CATSPERT: variants seen among roughly 807,000 people sequenced by gnomAD.
CATSPERT encodes cation channel sperm-associated targeting subunit tau.
the CATSPERT span, among the ~76,000 whole-genome samples, chr2:201,582,916 C>T: frequency 6.6e-6 from 1 of 152,100 alleles, no homozygotes; most frequent in Non-Finnish European, 1.5e-5. Flanking sequence ...TGACTGTCTT[C>T]CCCCAAGAAA....
the CATSPERT span, among the ~76,000 whole-genome samples, chr2:201,617,441 T>C: frequency 1.3e-5 from 2 of 152,096 alleles, no homozygotes; most frequent in South Asian, 4.2e-4. Flanking sequence ...AAACCTGACA[T>C]AAACAAGAAA....
the CATSPERT span, among the ~76,000 whole-genome samples, chr2:201,542,683 T>C: frequency 1.3e-5 from 2 of 152,206 alleles, no homozygotes; most frequent in African/African-American, 2.4e-5. Context: ...ATTCAAGTGC[T>C]CAGTCCATTT....
the CATSPERT span, chr2:201,549,693 C>T: frequency 1.3e-5 from 2 of 152,122 alleles, no homozygotes; most frequent in East Asian, 3.8e-4. Context: ...AGAAGAACTA[C>T]ACTTACAAAA....
chr2:201,493,020 T>C, the CATSPERT span: 1 of 1,536,676 alleles, frequency 6.5e-7, no homozygotes, highest in Non-Finnish European at 8.7e-7. Flanking sequence ...CAAGGTGTTC[T>C]GTGTCACTTG....
At chr2:201,599,276 C>G in the CATSPERT span, among the ~76,000 whole-genome samples, 1 of 152,146 alleles carries the variant, frequency 6.6e-6, no homozygotes, top group Non-Finnish European at 1.5e-5. Flanking sequence ...TTCCATTCCT[C>G]AGAAGCTGCC....
chr2:201,615,208 A>C, the CATSPERT span, among the ~76,000 whole-genome samples: 1 of 152,226 alleles, frequency 6.6e-6, no homozygotes, highest in Non-Finnish European at 1.5e-5. Context: ...AAGCAGACCT[A>C]ATAGACATCT....
chr2:201,545,629 C>CAAAAAAA, the CATSPERT span: 450 of 156,374 alleles, frequency 2.9e-3, 3 homozygotes, highest in Admixed American at 3.8e-3. Flanking sequence ...TTCCTAGAAG[C>CAAAAAAA]AAAAAAAAAA....
the CATSPERT span, among the ~76,000 whole-genome samples, chr2:201,610,994 T>C: frequency 3.3e-5 from 5 of 152,090 alleles, no homozygotes; most frequent in Non-Finnish European, 7.4e-5. Context: ...AGCCCATATA[T>C]AACAAATGCC....
At chr2:201,536,309 A>G in the CATSPERT span, 2 of 1,592,942 alleles carry the variant, frequency 1.3e-6, no homozygotes, top group African/African-American at 2.7e-5. Flanking sequence ...TCTCAGAATC[A>G]TTATCCAGTA....
chr2:201,489,047 C>T, the CATSPERT span, among the ~76,000 whole-genome samples: 3 of 152,142 alleles, frequency 2.0e-5, no homozygotes, highest in African/African-American at 4.8e-5. Flanking sequence ...GGTGCTCCTA[C>T]GACTCAATTT....
At chr2:201,530,316 G>A in the CATSPERT span, among the ~76,000 whole-genome samples, 1 of 152,054 alleles carries the variant, frequency 6.6e-6, no homozygotes, top group East Asian at 1.9e-4. Context: ...GTTTACTGTT[G>A]TGCTATTGTA....
the CATSPERT span, among the ~76,000 whole-genome samples, chr2:201,584,921 A>T: frequency 2.0e-5 from 3 of 152,240 alleles, no homozygotes; most frequent in Non-Finnish European, 4.4e-5. Flanking sequence ...TCAGAGTGAA[A>T]TTAGAAGAAA....
the CATSPERT span, chr2:201,535,199 C>G: frequency 1.0e-6 from 1 of 984,456 alleles, no homozygotes; most frequent in Non-Finnish European, 1.2e-6. Flanking sequence ...TAGAAATGAC[C>G]TAGTCTGATC....
At chr2:201,580,730 A>G in the CATSPERT span, among the ~76,000 whole-genome samples, 3 of 152,228 alleles carry the variant, frequency 2.0e-5, no homozygotes, top group Non-Finnish European at 2.9e-5. Context: ...TAGATTGTTT[A>G]TACTTATTCA....
the CATSPERT span, chr2:201,554,812 T>C: frequency 6.6e-6 from 1 of 151,860 alleles, no homozygotes; most frequent in South Asian, 2.1e-4. Flanking sequence ...AGAGAATGAT[T>C]AAATCCAGGG....
the CATSPERT span, chr2:201,582,233 T>C: frequency 1.9e-6 from 3 of 1,576,802 alleles, no homozygotes. Context: ...TATCAAAATA[T>C]ATAAGAAAAG....
chr2:201,570,989 C>G, the CATSPERT span, among the ~76,000 whole-genome samples: 1 of 152,104 alleles, frequency 6.6e-6, no homozygotes, highest in Non-Finnish European at 1.5e-5. Context: ...ATGTTTGGCT[C>G]TTGAAGGGCT....
At chr2:201,610,649 G>C in the CATSPERT span, among the ~76,000 whole-genome samples, 7 of 151,982 alleles carry the variant, frequency 4.6e-5, no homozygotes, top group Admixed American at 6.6e-5. Context: ...ACCAGACAAG[G>C]ATACAACAAC....
chr2:201,541,563 ATATATATAT>A, the CATSPERT span, among the ~76,000 whole-genome samples: 1 of 105,474 alleles, frequency 9.5e-6, no homozygotes, highest in Non-Finnish European at 2.0e-5. Context: ...ATATATATAT[ATATATATAT>A]ATATATAAAA....
Sources: gnomAD v4.1 joint callset for allele counts (sites outside exome capture counted in the v4.1 genomes callset) on GRCh38, gnomAD v4.1.1 for gene constraint, MANE v1.5 for transcripts, NCBI Gene and HGNC (gene_info 2026-07-23, HGNC 2026-07-21) for gene names.